The following ADAMTS18 variants were observed in gnomAD, a reference collection of about 807,000 sequenced individuals.
The protein encoded by ADAMTS18 is ADAM metallopeptidase with thrombospondin type 1 motif 18, also known as A disintegrin and metalloproteinase with thrombospondin motifs 18.
In ADAMTS18, 157 loss-of-function variants were observed where a neutral mutation model predicts 165.9. The observed-to-expected ratio is 0.95, with a 90% CI of 0.83 to 1.08. The LOEUF (loss-of-function observed/expected upper bound fraction) is 1.08. Ranked by LOEUF, ADAMTS18 falls within the 50% of genes least tolerant of loss-of-function variation. The pLI is 0.00. For synonymous variants in ADAMTS18, 782 were observed against 578.2 expected (o/e 1.35, Z -5.06); for missense variants, 2,040 against 1,534.0 (o/e 1.33, Z -5.51).
chr16:77,433,546 T>C (rs1352822322), intron 2 of ADAMTS18: 1 of 152,262 alleles, frequency 6.6e-6, no homozygotes, highest in Admixed American at 6.5e-5. Flanking sequence ...GATATAAGAA[T>C]GAGGGGTGGT....
chr16:77,284,976 C>G (rs1364083662), intron 22 of ADAMTS18, among the ~76,000 whole-genome samples: 1 of 151,056 alleles, frequency 6.6e-6, no homozygotes, highest in Non-Finnish European at 1.5e-5. Flanking sequence ...TTAAGTCAAT[C>G]TCAACCAGTT....
In ADAMTS18 at chr16:77,291,291, C is replaced by T. The variant is rs896025437; in HGVS notation, c.3377G>A (p.Gly1126Glu). The change falls in exon 21 of 23, where the codon GGA becomes GAA. Residue 1126 changes from glycine (G) to glutamate (E), a missense_variant. By Grantham distance (98) the Gly-to-Glu change is moderately conservative. Coordinates refer to ENST00000282849, the MANE Select transcript of ADAMTS18 (RefSeq NM_199355.4). ...PAHPVYNMVA[G>E]WYSLPWQQCT... is the part of the protein sequence containing the mutation. ...CTGCTGCCACGGCAATGAATACCAT[C>T]CAGCTACCATGTTGTACACTGGATG... is the stretch of plus-strand genomic sequence containing the variant. 2 of 1,614,190 alleles carry T rather than the reference C, an allele frequency of 1.2e-6. No individual in the cohort carries two copies. Among genetic ancestry groups the T allele is most frequent in the Admixed American group, 3.3e-5 (2 of 60,028 alleles).
intron 16 of ADAMTS18, among the ~76,000 whole-genome samples, chr16:77,300,829 A>G (rs907510230): frequency 1.3e-5 from 2 of 152,128 alleles, no homozygotes; most frequent in Non-Finnish European, 2.9e-5. Flanking sequence ...GAATCTACAT[A>G]TATATATTTT....
At chr16:77,292,722 T>C (rs370646583) in intron 20 of ADAMTS18, among the ~76,000 whole-genome samples, 2 of 152,166 alleles carry the variant, frequency 1.3e-5, no homozygotes, top group South Asian at 2.1e-4. Context: ...AGGAGAGAAC[T>C]GGGAAGTAGC....
chr16:77,359,620 A>G (rs1216202591), intron 7 of ADAMTS18, among the ~76,000 whole-genome samples, 197 bp from the exon 8 acceptor site: 1 of 150,868 alleles, frequency 6.6e-6, no homozygotes, highest in Non-Finnish European at 1.5e-5. Flanking sequence ...AACATTTCCT[A>G]TTTTCTTGCT....
intron 3 of ADAMTS18, among the ~76,000 whole-genome samples, chr16:77,407,143 TGA>T (rs1052252507): frequency 1.1e-4 from 16 of 152,106 alleles, no homozygotes; most frequent in African/African-American, 3.9e-4. Flanking sequence ...AATTGATAAG[TGA>T]GAGTGTTCTT....
intron 3 of ADAMTS18, among the ~76,000 whole-genome samples, chr16:77,420,970 T>A (rs2057594763): frequency 6.6e-6 from 1 of 152,192 alleles, no homozygotes; most frequent in Non-Finnish European, 1.5e-5. Flanking sequence ...ACTCGGTAAA[T>A]CAGCAGAAAG....
At chr16:77,322,177 A>G (rs2056012185) in intron 14 of ADAMTS18, among the ~76,000 whole-genome samples, 159 bp downstream of exon 14, 1 of 130,612 alleles carries the variant, frequency 7.7e-6, no homozygotes, top group Non-Finnish European at 1.7e-5. Context: ...AAAAAAAAAA[A>G]AGATATGGTG....
Position 77,283,652 on chromosome 16 carries a change from C to T in ADAMTS18, c.*304G>A. 1 of 340,726 alleles carries T rather than the reference C, an allele frequency of 2.9e-6. No individual in the cohort carries two copies. The highest frequency in any genetic ancestry group is 2.9e-5 in the South Asian group (1 of 34,156). The allele number at this position is 340,726 out of a possible 1,614,324, so 21.1% of individuals were successfully genotyped here. A position where few individuals can be genotyped will look rare whatever the true frequency, so the allele number is the denominator to read the frequency against. On this transcript the variant is annotated 3_prime_UTR_variant, in exon 23 of 23. Coordinates refer to ENST00000282849, the MANE Select transcript of ADAMTS18 (RefSeq NM_199355.4). Reference sequence around the variant, plus strand: ...TTGAAGTTCAAAAGGGGGTCTCTCCCCAAATCGACGTATCTCAGTGTGATT... The same window carrying T: ...TTGAAGTTCAAAAGGGGGTCTCTCCTCAAATCGACGTATCTCAGTGTGATT...
At chr16:77,365,036 G>A (rs1346916554) in intron 4 of ADAMTS18, among the ~76,000 whole-genome samples, 2 of 152,216 alleles carry the variant, frequency 1.3e-5, no homozygotes, top group Middle Eastern at 3.4e-3. Flanking sequence ...AACCCAGCAG[G>A]CAGAAGTTGC....
intron 14 of ADAMTS18, 137 bp downstream of exon 14, chr16:77,322,199 T>G: frequency 1.2e-6 from 1 of 821,660 alleles, no homozygotes. Flanking sequence ...TCGAATCCAG[T>G]GAAACACTTT....
chr16:77,422,858 C>T (rs994361545), intron 3 of ADAMTS18, among the ~76,000 whole-genome samples: 2 of 152,158 alleles, frequency 1.3e-5, no homozygotes, highest in Non-Finnish European at 2.9e-5. Context: ...CCAGGTAATG[C>T]TAGTCTGTGC....
chr16:77,325,941 G>A lies in ADAMTS18; in HGVS notation c.1957C>T (p.Gln653Ter). The change falls in exon 13 of 23, where the codon CAA becomes TAA. Residue 653 changes from glutamine (Q) to a stop codon, truncating the protein, a stop_gained. Transcript: ENST00000282849. LOFTEE classifies it high-confidence loss of function. ...TTGCTGTTATATTCTGCACACTGTT[G>A]AGCCCGAAAATCCAAGCTATTTTCA... ...CNENSLDFRAQQCAEYNSKPF... is the reference protein window; with the variant it reads ...CNENSLDFRA 1 of 1,614,014 alleles carries A rather than the reference G, an allele frequency of 6.2e-7. No individual in the cohort carries two copies. Among genetic ancestry groups the A allele is most frequent in the Non-Finnish European group, 8.5e-7 (1 of 1,179,996 alleles).
intron 16 of ADAMTS18, among the ~76,000 whole-genome samples, chr16:77,308,550 T>A (rs1024640570): frequency 6.7e-6 from 1 of 149,116 alleles, no homozygotes; most frequent in Admixed American, 6.8e-5. Context: ...GAATGTGTCA[T>A]CTCTAAGTGG....
At chr16:77,408,143 C>A (rs148613682) in intron 3 of ADAMTS18, among the ~76,000 whole-genome samples, 1 of 151,984 alleles carries the variant, frequency 6.6e-6, no homozygotes, top group Non-Finnish European at 1.5e-5. Flanking sequence ...CAGAGAGACA[C>A]AGATTTACTA....
chr16:77,359,240 A>T lies in ADAMTS18; in HGVS notation c.1322+78T>A, dbSNP rs1248812307. ...TGATCCTCTTTGTTCTGCCTAAGTC[A>T]ACAACAACGGTTAGAGGAACACCAA... is the stretch of plus-strand genomic sequence containing the variant. On this transcript the variant is annotated intron_variant, in intron 8 of 22. Coordinates refer to ENST00000282849, the MANE Select transcript of ADAMTS18 (RefSeq NM_199355.4). 4.7e-6 allele frequency: 6 copies of T among 1,280,178 alleles called. No homozygotes were observed. In the African/African-American group the frequency reaches 7.3e-5, roughly 16 times the overall value. The allele number at this position is 1,280,178 out of a possible 1,614,324, so 79.3% of individuals were successfully genotyped here. A position where few individuals can be genotyped will look rare whatever the true frequency, so the allele number is the denominator to read the frequency against.
chr16:77,314,698 C>G (rs1173179250), intron 16 of ADAMTS18, among the ~76,000 whole-genome samples: 1 of 119,444 alleles, frequency 8.4e-6, no homozygotes, highest in African/African-American at 3.2e-5. Context: ...ATAGTGCGGG[C>G]CTAAGGCTGA....
At chr16:77,328,950 C>G (rs1278836476) in intron 12 of ADAMTS18, among the ~76,000 whole-genome samples, 1 of 152,184 alleles carries the variant, frequency 6.6e-6, no homozygotes, top group African/African-American at 2.4e-5. Flanking sequence ...AGCTCAAGCT[C>G]AGGCCTGTGG....
intron 3 of ADAMTS18, among the ~76,000 whole-genome samples, chr16:77,394,308 G>C (rs965739742): frequency 2.4e-4 from 36 of 152,156 alleles, no homozygotes; most frequent in African/African-American, 8.0e-4. Flanking sequence ...ATAAGACCTA[G>C]TTTTAATTTC....
Sources: allele counts gnomAD v4.1 joint callset (sites outside exome capture counted in the v4.1 genomes callset), GRCh38; gene constraint gnomAD v4.1.1; transcripts MANE v1.5; gene names NCBI Gene and HGNC (gene_info 2026-07-23, HGNC 2026-07-21).